The following TGIF2 variants were observed in gnomAD, a reference collection of about 807,000 sequenced individuals.
The protein encoded by TGIF2 is TGFB induced factor homeobox 2, also known as homeobox protein TGIF2.
A neutral mutation model predicts 15.1 loss-of-function variants in TGIF2; 5 were observed. That is an observed-to-expected ratio of 0.33 (90% CI 0.17 to 0.70). The LOEUF is 0.70. Ranked by LOEUF, TGIF2 falls within the 30% of genes least tolerant of loss-of-function variation. The pLI is 0.67. For synonymous variants in TGIF2, 131 were observed against 128.9 expected (o/e 1.02, Z -0.11); for missense variants, 264 against 302.5 (o/e 0.87, Z 0.94).
rs951379427 is a variant in TGIF2, at chr20:36,591,213, C to A, written c.496C>A (p.Leu166Met). 2.5e-6 allele frequency: 4 copies of A among 1,614,220 alleles called. No homozygotes were observed. Among genetic ancestry groups the A allele is most frequent in the Non-Finnish European group, 2.5e-6 (3 of 1,180,010 alleles). The change falls in exon 3 of 3, where the codon CTG (leucine) becomes ATG (methionine). Residue 166 changes from leucine to methionine, a missense_variant. By Grantham distance (15) the Leu-to-Met change is conservative. Coordinates refer to ENST00000373872, the MANE Select transcript of TGIF2 (RefSeq NM_021809.7). This position sits in a 1 kb window ranked among gnomAD's most constrained non-coding sequence, Gnocchi z 5.3. ...PLVTPGSTLT[L>M]LTRAEAGSPT... Reference sequence around the variant, plus strand: ...GGTGACCCCTGGTAGCACACTTACTCTGCTGACCAGGGCTGAGGCTGGAAG... The same window carrying A: ...GGTGACCCCTGGTAGCACACTTACTATGCTGACCAGGGCTGAGGCTGGAAG...
chr20:36,591,082 C>A lies in TGIF2; in HGVS notation c.365C>A (p.Thr122Asn). Residue 122 changes from threonine to asparagine, a missense_variant, in exon 3 of 3, where the codon ACC becomes AAC. Physicochemically the swap from Thr to Asn is moderately conservative, Grantham distance 65 (BLOSUM62 0). Transcript: ENST00000373872. This position sits in a 1 kb window ranked among gnomAD's most constrained non-coding sequence, Gnocchi z 5.3. The part of the protein sequence containing the change: ...SVLAVSVPAP[T>N]NVLSLSVCSM... ...CTGGCTGTGTCTGTCCCAGCCCCCA[C>A]CAATGTGCTCTCCCTGTCTGTGTGC... 3 of 1,597,282 alleles carry A rather than the reference C, an allele frequency of 1.9e-6. No homozygotes were observed. Among genetic ancestry groups the A allele is most frequent in the Non-Finnish European group, 1.7e-6 (2 of 1,167,138 alleles).
rs1463882785 is a variant in TGIF2, at chr20:36,592,027, G to C, written c.*596G>C. 3.3e-5 allele frequency: 5 copies of C among 152,662 alleles called. No homozygotes were observed. Among genetic ancestry groups the C allele is most frequent in the African/African-American group, 1.2e-4 (5 of 41,436 alleles). The allele number at this position is 152,662 out of a possible 1,614,324, so 9.5% of individuals were successfully genotyped here. A position where few individuals can be genotyped will look rare whatever the true frequency, so the allele number is the denominator to read the frequency against. ...TGCATGATAGCGTTCTGGTGAGCTG[G>C]GAAGGACCCACCACTGCCACTGAGG... is the stretch of plus-strand genomic sequence containing the variant. On this transcript the variant is annotated 3_prime_UTR_variant, in exon 3 of 3. Coordinates refer to ENST00000373872, the MANE Select transcript of TGIF2 (RefSeq NM_021809.7).
intron 2 of TGIF2, among the ~76,000 whole-genome samples, chr20:36,584,791 ACTT>A (rs1257197448): frequency 6.6e-6 from 1 of 152,072 alleles, no homozygotes. Context: ...AGGTGGTCTC[ACTT>A]CAGCCTCCCA....
chr20:36,591,621 A>G lies in TGIF2; in HGVS notation c.*190A>G. ...GTGATGGGGGCCCTCTCCTCTGCTG[A>G]CTCTGCCGTTTCTCCAGGCCTCCGC... On this transcript the variant is annotated 3_prime_UTR_variant, in exon 3 of 3. Coordinates refer to ENST00000373872, the MANE Select transcript of TGIF2 (RefSeq NM_021809.7). This position sits in a 1 kb window ranked among gnomAD's most constrained non-coding sequence, Gnocchi z 5.3. 1 of 583,958 alleles carries G rather than the reference A, an allele frequency of 1.7e-6. No individual in the cohort carries two copies. Among genetic ancestry groups the G allele is most frequent in the Admixed American group, 3.2e-5 (1 of 31,366 alleles). 36.2% of individuals were successfully genotyped at this position (583,958 alleles called of 1,614,324 possible).
chr20:36,577,764 T>C (rs2147922221), intron 1 of TGIF2, among the ~76,000 whole-genome samples: 1 of 152,296 alleles, frequency 6.6e-6, no homozygotes, highest in East Asian at 1.9e-4. Context: ...TCTGCCTGCC[T>C]CGGCCTCCCA....
Position 36,591,207 on chromosome 20 carries a change from C to T in TGIF2, c.490C>T (p.Leu164Phe), listed in dbSNP as rs776156482. ...PKPLVTPGST[L>F]TLLTRAEAGS... ...GCCCCTGGTGACCCCTGGTAGCACA[C>T]TTACTCTGCTGACCAGGGCTGAGGC... The change falls in exon 3 of 3, where the codon CTT becomes TTT. Residue 164 changes from leucine to phenylalanine, a missense_variant. Transcript: ENST00000373872. The surrounding 1 kb of genome is among the most constrained non-coding windows in gnomAD (Gnocchi z 5.3). 1.6e-5 allele frequency: 26 copies of T among 1,614,088 alleles called. No individual in the cohort carries two copies. Among genetic ancestry groups the T allele is most frequent in the Non-Finnish European group, 2.0e-5 (24 of 1,180,026 alleles).
Position 36,578,855 on chromosome 20 carries a change from G to C in TGIF2, c.81G>C (p.Lys27Asn), listed in dbSNP as rs1379828334. The C allele has an allele frequency of 1.2e-6, 2 of 1,614,086 alleles. No homozygotes were observed. Among genetic ancestry groups the C allele is most frequent in the Non-Finnish European group, 1.7e-6 (2 of 1,180,044 alleles). The change falls in exon 2 of 3, where the codon AAG becomes AAC. Residue 27 changes from lysine (K) to asparagine (N), a missense_variant. Physicochemically the swap from Lys to Asn is moderately conservative, Grantham distance 94. Transcript: ENST00000373872. ...GKRKRRGNLP[K>N]ESVKILRDWL... ...GGAAGCGCAGGGGGAACCTGCCCAA[G>C]GAGTCGGTGAAGATCCTCCGGGACT...
At chr20:36,575,328 G>A (rs1028817098) in intron 1 of TGIF2, among the ~76,000 whole-genome samples, 1 of 152,018 alleles carries the variant, frequency 6.6e-6, no homozygotes, top group Non-Finnish European at 1.5e-5. Context: ...CCTGTGTGGC[G>A]GAACACCGAG....
At position 36,591,271 on chromosome 20, in the gene TGIF2, C is replaced by A; in HGVS notation, c.554C>A (p.Pro185His). 6.2e-7 allele frequency: 1 copy of A among 1,614,200 alleles called. No homozygotes were observed. The highest frequency in any genetic ancestry group is 1.1e-5 in the South Asian group (1 of 91,090). The change falls in exon 3 of 3, where the codon CCC (proline) becomes CAC (histidine). Residue 185 changes from proline (P) to histidine (H), a missense_variant. By Grantham distance (77) the Pro-to-His change is moderately conservative. Transcript: ENST00000373872. The surrounding 1 kb of genome is among the most constrained non-coding windows in gnomAD (Gnocchi z 5.3). ...PTGGLFNTPP[P>H]TPPEQDKEDF... Reference sequence around the variant, plus strand: ...GGTGGACTCTTCAACACGCCACCACCCACACCCCCAGAGCAGGACAAAGAG... The same window carrying A: ...GGTGGACTCTTCAACACGCCACCACACACACCCCCAGAGCAGGACAAAGAG...
intron 2 of TGIF2, among the ~76,000 whole-genome samples, chr20:36,589,538 G>A (rs1031118687): frequency 6.6e-5 from 10 of 152,076 alleles, no homozygotes; most frequent in Middle Eastern, 3.4e-3. Flanking sequence ...GACTACAGGC[G>A]CGTGCCACCA....
At chr20:36,574,502 C>A (rs1172221475) in intron 1 of TGIF2, 3 of 151,882 alleles carry the variant, frequency 2.0e-5, no homozygotes, top group Non-Finnish European at 4.4e-5. Context: ...CCCTCCCCTC[C>A]CCCTCCGGGC....
chr20:36,580,009 G>A (rs2147925201), intron 2 of TGIF2, among the ~76,000 whole-genome samples: 1 of 152,156 alleles, frequency 6.6e-6, no homozygotes, highest in African/African-American at 2.4e-5. Flanking sequence ...CCTCCAGTTT[G>A]CCTCTCCCCT....
chr20:36,578,644 T>C (rs560680086), intron 1 of TGIF2, 97 bp from the exon 2 acceptor site: 765 of 1,343,684 alleles, frequency 5.7e-4, no homozygotes, highest in Admixed American at 1.2e-3. Flanking sequence ...ACCCCATTTC[T>C]GGTGTCCCAG....
chr20:36,586,266 A>G (rs2147934299), intron 2 of TGIF2, among the ~76,000 whole-genome samples: 1 of 152,326 alleles, frequency 6.6e-6, no homozygotes, highest in South Asian at 2.1e-4. Context: ...ACAAGTAACC[A>G]GTAGGCTAAA....
intron 2 of TGIF2, among the ~76,000 whole-genome samples, chr20:36,590,539 GAGACATAGTAAGTGCTTCAT>G (rs34658797): frequency 0.6 from 91,607 of 152,084 alleles, 30,741 homozygotes; most frequent in Non-Finnish European, 0.77. Flanking sequence ...CTGGGGTCCT[GAGACATAGTAAGTGCTTCAT>G]AGCTGTTTGT....
chr20:36,588,734 G>A (rs536985375), intron 2 of TGIF2, among the ~76,000 whole-genome samples: 1 of 152,212 alleles, frequency 6.6e-6, no homozygotes, highest in African/African-American at 2.4e-5. Flanking sequence ...CTGCCTATGA[G>A]CCTTCCAGCC....
At position 36,582,034 on chromosome 20, in the gene TGIF2, A is replaced by G. The variant is rs180886427; in HGVS notation, c.192+3068A>G. On this transcript the variant is annotated intron_variant, in intron 2 of 2. Transcript: ENST00000373872. ...GCGGATCACCTGAGGTCAGGAGTTC[A>G]AGACCAGCCTGACCAACATGGTGAA... Among the ~76,000 whole-genome samples, 1,014 of 152,206 alleles carry G rather than the reference A, an allele frequency of 6.7e-3. 12 individuals carry two copies. Among genetic ancestry groups the G allele is most frequent in the African/African-American group, 0.024 (982 of 41,570 alleles).
chr20:36,590,856 GC>G, intron 2 of TGIF2, 53 bp from the exon 3 acceptor site: 1 of 1,496,036 alleles, frequency 6.7e-7, no homozygotes, highest in East Asian at 2.3e-5. Flanking sequence ...ACTGTGCCCA[GC>G]CCATAGCTGT....
At chr20:36,577,241 C>T (rs894036010) in intron 1 of TGIF2, among the ~76,000 whole-genome samples, 1 of 151,766 alleles carries the variant, frequency 6.6e-6, no homozygotes, top group African/African-American at 2.4e-5. Flanking sequence ...ACTCTGTCAC[C>T]CAGGCTGGAG....
Sources: allele counts gnomAD v4.1 joint callset (sites outside exome capture counted in the v4.1 genomes callset), GRCh38; gene constraint gnomAD v4.1.1; non-coding constraint Gnocchi (gnomAD v3.1); transcripts MANE v1.5; gene names NCBI Gene and HGNC (gene_info 2026-07-23, HGNC 2026-07-21).